ARHGAP42: variants seen among roughly 807,000 people sequenced by gnomAD.
The protein encoded by ARHGAP42 is Rho GTPase activating protein 42, also known as rho GTPase-activating protein 42.
ARHGAP42 carries 63 observed loss-of-function variants against 125.0 expected under a neutral mutation model. The observed-to-expected ratio is 0.50, with a 90% confidence interval of 0.41 to 0.62. The LOEUF (loss-of-function observed/expected upper bound fraction) is 0.62, where lower values mean the gene tolerates loss of function less well. Among genes scored for constraint, ARHGAP42 ranks in the 20% least tolerant of loss-of-function variants. The pLI is 0.00. For synonymous variants in ARHGAP42, 339 were observed against 351.0 expected, an observed-to-expected ratio of 0.97 and a Z score of 0.38; for missense variants, 766 against 1,024.2, an observed-to-expected ratio of 0.75 and a Z score of 3.44.
intron 1 of ARHGAP42, among the ~76,000 whole-genome samples, chr11:100,695,432 G>C (rs2120179782): frequency 6.6e-6 from 1 of 152,090 alleles, no homozygotes; most frequent in African/African-American, 2.4e-5. Flanking sequence ...GCCTCCCAAG[G>C]AGCTGGGATT....
intron 4 of ARHGAP42, among the ~76,000 whole-genome samples, chr11:100,892,936 C>T (rs1418371185): frequency 6.6e-6 from 1 of 152,126 alleles, no homozygotes; most frequent in Non-Finnish European, 1.5e-5. Flanking sequence ...TCTGTTGTAT[C>T]CTCACTGGAG....
intron 12 of ARHGAP42, among the ~76,000 whole-genome samples, chr11:100,956,490 C>CGG (rs1457622071): frequency 2.0e-5 from 3 of 152,142 alleles, no homozygotes; most frequent in Non-Finnish European, 2.9e-5. Context: ...TTGCAAGCCA[C>CGG]ATACTGGCTC....
At chr11:100,690,896 G>A (rs895942103) in intron 1 of ARHGAP42, among the ~76,000 whole-genome samples, 12 of 152,198 alleles carry the variant, frequency 7.9e-5, no homozygotes, top group Admixed American at 1.3e-4. Flanking sequence ...CACCGCGCCC[G>A]GCCAACATCC....
At chr11:100,806,871 C>A (rs1338240683) in intron 3 of ARHGAP42, among the ~76,000 whole-genome samples, 1 of 136,156 alleles carries the variant, frequency 7.3e-6, no homozygotes, top group Admixed American at 7.2e-5. Context: ...ATTTTTGGGA[C>A]AAGTCTCACT....
chr11:100,792,391 A>G (rs766236402), intron 2 of ARHGAP42, among the ~76,000 whole-genome samples: 1 of 152,168 alleles, frequency 6.6e-6, no homozygotes, highest in Non-Finnish European at 1.5e-5. Flanking sequence ...GCAATCTCCT[A>G]TCTTGCCAGT....
chr11:100,705,054 AAGAC>A, intron 1 of ARHGAP42, among the ~76,000 whole-genome samples: 2 of 151,828 alleles, frequency 1.3e-5, no homozygotes. Flanking sequence ...AAGAAAAAGA[AAGAC>A]ACTGTTCCTA....
At chr11:100,898,879 G>T (rs1866443311) in intron 4 of ARHGAP42, among the ~76,000 whole-genome samples, 1 of 151,932 alleles carries the variant, frequency 6.6e-6, no homozygotes, top group South Asian at 2.1e-4. Flanking sequence ...TCTTGGTTCT[G>T]CTAGCTTTTG....
chr11:100,843,553 C>T (rs1473777438), intron 3 of ARHGAP42, among the ~76,000 whole-genome samples: 1 of 151,888 alleles, frequency 6.6e-6, no homozygotes, highest in African/African-American at 2.4e-5. Flanking sequence ...CCTAGAAAAC[C>T]CTAAAGACTC....
chr11:100,949,842 A>T lies in ARHGAP42; in HGVS notation c.1123-75A>T, dbSNP rs114053039. 1.8e-3 allele frequency: 1,716 copies of T among 965,784 alleles called. 30 individuals are homozygous for T. In the African/African-American group the frequency reaches 0.025, roughly 14 times the overall value. 59.8% of individuals were successfully genotyped at this position (965,784 alleles called of 1,614,324 possible). On this transcript the variant is annotated intron_variant, in intron 11 of 23. Coordinates refer to ENST00000298815, the MANE Select transcript of ARHGAP42 (RefSeq NM_152432.4). ...AGACACTCTTTTCATCTATTAGTGT[A>T]CAGATATCACCTTGCTAATCTTTTG...
At chr11:100,933,088 C>CTATTT in intron 6 of ARHGAP42, 68 bp from the exon 7 acceptor site, 1 of 1,091,842 alleles carries the variant, frequency 9.2e-7, no homozygotes, top group Non-Finnish European at 1.3e-6. Context: ...AATTTTCTCC[C>CTATTT]TATTTTATAT....
In ARHGAP42 at chr11:100,747,540, G is replaced by GA; in HGVS notation, c.155-22798dup. 2.6e-5 allele frequency among the ~76,000 whole-genome samples: 4 copies of GA among 152,284 alleles called. 1 individual carries two copies. The highest frequency in any genetic ancestry group is 2.6e-4 in the Admixed American group (4 of 15,300). ...CTTTTATTTTAATGTCCAATTCACA[G>GA]AAAAACTGGATGATACCCCTTTAAC... On this transcript the variant is annotated intron_variant, in intron 1 of 23. Coordinates refer to ENST00000298815, the MANE Select transcript of ARHGAP42 (RefSeq NM_152432.4).
At chr11:100,792,952 C>T (rs1181333079) in intron 2 of ARHGAP42, among the ~76,000 whole-genome samples, 2 of 152,078 alleles carry the variant, frequency 1.3e-5, no homozygotes, top group Non-Finnish European at 2.9e-5. Flanking sequence ...GGTGGGGTTT[C>T]ATCGTGTTAG....
At chr11:100,846,719 T>C (rs1865074215) in intron 3 of ARHGAP42, among the ~76,000 whole-genome samples, 1 of 152,068 alleles carries the variant, frequency 6.6e-6, no homozygotes, top group African/African-American at 2.4e-5. Context: ...GTGATAGTCA[T>C]ATGATCAATA....
intron 2 of ARHGAP42, among the ~76,000 whole-genome samples, chr11:100,773,954 T>G (rs1285749519): frequency 6.6e-6 from 1 of 152,172 alleles, no homozygotes; most frequent in East Asian, 1.9e-4. Flanking sequence ...CCCTTTGCAC[T>G]CGGAATCTGA....
At chr11:100,900,173 T>C (rs1050961427) in intron 4 of ARHGAP42, among the ~76,000 whole-genome samples, 2 of 152,146 alleles carry the variant, frequency 1.3e-5, no homozygotes, top group Admixed American at 1.3e-4. Flanking sequence ...TGAAATTTAG[T>C]TTGGCTGGAT....
In ARHGAP42 at chr11:100,960,280, T is replaced by C. The variant is rs562368181; in HGVS notation, c.1225+335T>C. ...GGAGGTAAGATTCTTAAGGAGCTTGTCTTCACTCCCTTCCTTCCTTATAGT... is the reference window on the plus strand; with the variant it reads ...GGAGGTAAGATTCTTAAGGAGCTTGCCTTCACTCCCTTCCTTCCTTATAGT... On this transcript the variant is annotated intron_variant, in intron 13 of 23. Coordinates refer to ENST00000298815, the MANE Select transcript of ARHGAP42 (RefSeq NM_152432.4). Among the ~76,000 whole-genome samples, 3 of 152,082 alleles carry C rather than the reference T, an allele frequency of 2.0e-5. No homozygotes were observed. In the East Asian group the frequency reaches 5.8e-4, roughly 29 times the overall value.
intron 12 of ARHGAP42, among the ~76,000 whole-genome samples, chr11:100,955,253 G>A (rs491964): frequency 0.9 from 137,291 of 152,130 alleles, 62,146 homozygotes; most frequent in East Asian, 1. Flanking sequence ...AAAGGTTTAG[G>A]CTTAACTTTT....
At chr11:100,905,654 C>A (rs1055315257) in intron 4 of ARHGAP42, among the ~76,000 whole-genome samples, 2 of 152,066 alleles carry the variant, frequency 1.3e-5, no homozygotes, top group Non-Finnish European at 2.9e-5. Context: ...GCTTAATATT[C>A]TGTTTCCAAG....
chr11:100,725,115 A>ATT (rs887424302), intron 1 of ARHGAP42, among the ~76,000 whole-genome samples: 2 of 149,888 alleles, frequency 1.3e-5, no homozygotes, highest in African/African-American at 4.9e-5. Flanking sequence ...GTGTTTTTGG[A>ATT]TTTTATATAA....
Sources: gnomAD v4.1 joint callset for allele counts (sites outside exome capture counted in the v4.1 genomes callset) on GRCh38, gnomAD v4.1.1 for gene constraint, MANE v1.5 for transcripts, NCBI Gene and HGNC (gene_info 2026-07-23, HGNC 2026-07-21) for gene names.